Variants in TAOK3 observed in about 807,000 individuals in gnomAD.
TAOK3 encodes the protein serine/threonine-protein kinase TAO3.
TAOK3 carries 40 observed loss-of-function variants against 120.4 expected under a neutral mutation model. The observed-to-expected ratio is 0.33, with a 90% CI of 0.26 to 0.43. The LOEUF (loss-of-function observed/expected upper bound fraction) is 0.43. Among genes scored for constraint, TAOK3 ranks in the 20% least tolerant of loss-of-function variants. TAOK3 has a pLI of 1.00. For synonymous variants in TAOK3, 355 were observed against 387.5 expected (o/e 0.92, Z 0.99); for missense variants, 821 against 1,112.1 (o/e 0.74, Z 3.72).
At chr12:118,316,934 C>T (rs1303300112) in intron 1 of TAOK3, among the ~76,000 whole-genome samples, 1 of 151,834 alleles carries the variant, frequency 6.6e-6, no homozygotes, top group African/African-American at 2.4e-5. Context: ...TAAATTTAAC[C>T]AAGGAAGCAT....
intron 14 of TAOK3, among the ~76,000 whole-genome samples, chr12:118,188,923 A>AGTGT (rs35868707): frequency 0.21 from 31,810 of 150,846 alleles, 4,210 homozygotes; most frequent in East Asian, 0.39. Context: ...AAACGATGTG[A>AGTGT]GTGTGTGTGT....
At chr12:118,169,321 C>CA (rs1392856135) in intron 17 of TAOK3, among the ~76,000 whole-genome samples, 52 of 102,934 alleles carry the variant, frequency 5.1e-4, no homozygotes, top group Middle Eastern at 0.015. Context: ...CCCCCACCCC[C>CA]CCCCCTTTTT....
At chr12:118,331,827 A>T (rs903035358) in intron 1 of TAOK3, among the ~76,000 whole-genome samples, 7 of 142,158 alleles carry the variant, frequency 4.9e-5, no homozygotes, top group East Asian at 4.1e-4. Context: ...AAATACATGA[A>T]TTTTTTTTTT....
In TAOK3 at chr12:118,160,839, T is replaced by C. The variant is rs568366769; in HGVS notation, c.2140-481A>G. Among the ~76,000 whole-genome samples, 12 of 152,320 alleles carry C rather than the reference T, an allele frequency of 7.9e-5. No homozygotes were observed. Among genetic ancestry groups the C allele is most frequent in the African/African-American group, 2.9e-4 (12 of 41,582 alleles). ...ACTGCTCTGGTTTATAGCAATTTCT[T>C]ATCAACTCCATAAAGGAGAGTATAT... On this transcript the variant is annotated intron_variant, in intron 18 of 20. Transcript: ENST00000392533. The surrounding 1 kb of genome is among the most constrained non-coding windows in gnomAD (Gnocchi z 4.2).
chr12:118,262,616 G>A (rs1366582732), intron 2 of TAOK3, among the ~76,000 whole-genome samples: 1 of 151,138 alleles, frequency 6.6e-6, no homozygotes, highest in African/African-American at 2.4e-5. Flanking sequence ...CACTTGAGGT[G>A]AGGCGTTCAA....
chr12:118,163,948 G>A (rs891347718), intron 17 of TAOK3, among the ~76,000 whole-genome samples: 2 of 151,948 alleles, frequency 1.3e-5, no homozygotes, highest in African/African-American at 2.4e-5. Flanking sequence ...CCGATCTCAG[G>A]TGATCTGCCC....
intron 15 of TAOK3, 118 bp from the exon 16 acceptor site, chr12:118,177,447 C>T (rs2036413446): frequency 3.4e-6 from 2 of 594,906 alleles, no homozygotes; most frequent in South Asian, 8.2e-5. Flanking sequence ...CATTTTTGAA[C>T]AAATATTAAA....
intron 1 of TAOK3, among the ~76,000 whole-genome samples, chr12:118,310,087 A>G (rs1055618994): frequency 2.0e-5 from 3 of 152,096 alleles, no homozygotes; most frequent in Non-Finnish European, 2.9e-5. Context: ...CCACAAGATC[A>G]GCCTGAATAA....
intron 5 of TAOK3, among the ~76,000 whole-genome samples, chr12:118,239,929 G>A (rs2040173571): frequency 6.6e-6 from 1 of 152,114 alleles, no homozygotes; most frequent in Non-Finnish European, 1.5e-5. Context: ...CACTTTGGGA[G>A]GCTGAGGCAG....
chr12:118,161,678 G>C lies in TAOK3; in HGVS notation c.2139+110C>G. On this transcript the variant is annotated intron_variant, in intron 18 of 20. Coordinates refer to ENST00000392533, the MANE Select transcript of TAOK3 (RefSeq NM_016281.4). This position sits in a 1 kb window ranked among gnomAD's most constrained non-coding sequence, Gnocchi z 4.5. ...GCAACTGGAGATTCTGATACAATAGGTGTGGGGTGCAGAAATTTGTGATTC... is the reference window on the plus strand; with the variant it reads ...GCAACTGGAGATTCTGATACAATAGCTGTGGGGTGCAGAAATTTGTGATTC... The C allele has an allele frequency of 7.3e-7, 1 of 1,368,816 alleles. No homozygotes were observed. Among genetic ancestry groups the C allele is most frequent in the South Asian group, 1.3e-5 (1 of 76,184 alleles). 84.8% of individuals were successfully genotyped at this position (1,368,816 alleles called of 1,614,324 possible).
intron 1 of TAOK3, among the ~76,000 whole-genome samples, chr12:118,308,199 T>C (rs2043122790): frequency 6.6e-6 from 1 of 151,944 alleles, no homozygotes. Context: ...CTCCCACCAA[T>C]GCCATGACAG....
rs1427698685 is a variant in TAOK3 at position 118,199,213 on chromosome 12, C to T, written c.1032G>A (p.Leu344=). The T allele has an allele frequency of 6.2e-7, 1 of 1,614,168 alleles. No individual in the cohort carries two copies. Among genetic ancestry groups the T allele is most frequent in the East Asian group, 2.2e-5 (1 of 44,888 alleles). The change falls in exon 13 of 21, where the codon CTG becomes CTA. Residue 344 remains leucine, a synonymous_variant. Coordinates refer to ENST00000392533, the MANE Select transcript of TAOK3 (RefSeq NM_016281.4). ...TGCTTGGAATGGAATGGTTGCTGCC[C>T]AGGCTGTCCATTTCCCTGTTCAGGC... ...GTSLNREMDS[L]GSNHSIPSMS...
chr12:118,235,769 C>T (rs1049535544), intron 7 of TAOK3, 98 bp from the exon 8 acceptor site: 78 of 749,398 alleles, frequency 1.0e-4, no homozygotes, highest in African/African-American at 6.4e-4. Context: ...TTTATTTAAA[C>T]GAACAAACAA....
chr12:118,265,461 C>A (rs939264035), intron 2 of TAOK3, among the ~76,000 whole-genome samples: 1 of 149,404 alleles, frequency 6.7e-6, no homozygotes, highest in Non-Finnish European at 1.5e-5. Flanking sequence ...CATACACTTA[C>A]CTACAAACTC....
chr12:118,159,870 T>A, intron 19 of TAOK3: 1 of 468,722 alleles, frequency 2.1e-6, no homozygotes, highest in Non-Finnish European at 3.8e-6. Context: ...ACACATGGTA[T>A]CATATGTGGT....
At chr12:118,320,633 A>G (rs1245835757) in intron 1 of TAOK3, among the ~76,000 whole-genome samples, 1 of 152,176 alleles carries the variant, frequency 6.6e-6, no homozygotes, top group Non-Finnish European at 1.5e-5. Flanking sequence ...TATTGAGACC[A>G]GGGCTATTTT....
intron 13 of TAOK3, 51 bp from the exon 14 acceptor site, chr12:118,189,992 G>A (rs748656334): frequency 2.5e-6 from 4 of 1,603,190 alleles, no homozygotes; most frequent in South Asian, 1.1e-5. Context: ...CTCTTTCCTC[G>A]CCGGCTGCCT....
chr12:118,245,145 G>A (rs983942415), intron 3 of TAOK3, among the ~76,000 whole-genome samples, 180 bp from the exon 4 acceptor site: 1 of 152,034 alleles, frequency 6.6e-6, no homozygotes, highest in Non-Finnish European at 1.5e-5. Flanking sequence ...CGATTCTCCT[G>A]TTTCAGCCTC....
At chr12:118,262,826 CAAAA>C (rs61453663) in intron 2 of TAOK3, among the ~76,000 whole-genome samples, 1 of 73,806 alleles carries the variant, frequency 1.4e-5, no homozygotes, top group Non-Finnish European at 2.9e-5. Context: ...GACTCCGTCT[CAAAA>C]AAAAAAAAAA....
Sources: gnomAD v4.1 joint callset for allele counts (sites outside exome capture counted in the v4.1 genomes callset) on GRCh38, gnomAD v4.1.1 for gene constraint, Gnocchi (gnomAD v3.1) non-coding constraint, MANE v1.5 for transcripts, NCBI Gene and HGNC (gene_info 2026-07-23, HGNC 2026-07-21) for gene names.